The following CRTC3 variants were observed in gnomAD, a reference collection of about 807,000 sequenced individuals.
CRTC3 encodes CREB-regulated transcription coactivator 3.
CRTC3 carries 26 observed loss-of-function variants against 74.5 expected under a neutral mutation model. The ratio of observed to expected loss-of-function variants is 0.35; its 90% CI spans 0.26 to 0.48. The LOEUF (loss-of-function observed/expected upper bound fraction) is 0.48. Among genes scored for constraint, CRTC3 ranks in the 20% least tolerant of loss-of-function variants. The pLI, the probability that CRTC3 is intolerant of heterozygous loss-of-function variation, is 0.99. For missense variants in CRTC3, 760 were observed against 787.3 expected (o/e 0.97, Z 0.41); for synonymous variants, 377 against 325.8 (o/e 1.16, Z -1.69).
chr15:90,534,934 C>T (rs1027498052), intron 1 of CRTC3, among the ~76,000 whole-genome samples: 3 of 151,982 alleles, frequency 2.0e-5, no homozygotes, highest in South Asian at 4.2e-4. Context: ...CCAAGGCAGG[C>T]GGATCACCTA....
chr15:90,620,008 C>T, intron 9 of CRTC3: 1 of 533,316 alleles, frequency 1.9e-6, no homozygotes, highest in Non-Finnish European at 3.3e-6. Context: ...ACAAAACTTA[C>T]ATAAGTATGT....
chr15:90,576,986 C>G (rs147823572), intron 2 of CRTC3, among the ~76,000 whole-genome samples: 1 of 152,024 alleles, frequency 6.6e-6, no homozygotes, highest in South Asian at 2.1e-4. Flanking sequence ...TGTGTCTCCT[C>G]CTTCCCCAGC....
chr15:90,605,569 T>C (rs1269404670), intron 5 of CRTC3, among the ~76,000 whole-genome samples: 2 of 151,380 alleles, frequency 1.3e-5, no homozygotes, highest in African/African-American at 2.4e-5. Flanking sequence ...CCCAGTTGGC[T>C]CTGCATTCGT....
chr15:90,545,645 C>T (rs1159995223), intron 2 of CRTC3, among the ~76,000 whole-genome samples: 15 of 151,968 alleles, frequency 9.9e-5, no homozygotes, highest in East Asian at 7.7e-4. Context: ...GGCACGATCT[C>T]GGCTCACTGC....
intron 1 of CRTC3, among the ~76,000 whole-genome samples, chr15:90,537,523 G>T (rs1211219721): frequency 6.6e-6 from 1 of 152,142 alleles, no homozygotes; most frequent in Non-Finnish European, 1.5e-5. Flanking sequence ...AGTTGGGACT[G>T]CAGGCGCCCA....
At chr15:90,572,275 A>G (rs1258651380) in intron 2 of CRTC3, among the ~76,000 whole-genome samples, 1 of 152,022 alleles carries the variant, frequency 6.6e-6, no homozygotes, top group East Asian at 1.9e-4. Flanking sequence ...TTATGTAGCT[A>G]TCCCATCATT....
intron 9 of CRTC3, among the ~76,000 whole-genome samples, chr15:90,622,420 C>T (rs907404848): frequency 4.3e-4 from 65 of 152,220 alleles, no homozygotes; most frequent in African/African-American, 1.4e-3. Context: ...CCTTCACTCC[C>T]ACCTGATCAC....
intron 2 of CRTC3, among the ~76,000 whole-genome samples, chr15:90,553,981 G>C (rs545587119): frequency 1.1e-4 from 17 of 152,286 alleles, no homozygotes; most frequent in African/African-American, 3.6e-4. Context: ...AGTGTGATGG[G>C]CAAAAGGGTC....
rs1969463393 is a variant in CRTC3 at position 90,641,990 on chromosome 15, G to A, written c.1710G>A (p.Glu570=). The A allele has an allele frequency of 1.2e-6, 2 of 1,613,744 alleles. No homozygotes were observed. The highest frequency in any genetic ancestry group is 8.5e-7 in the Non-Finnish European group (1 of 1,180,006). The change falls in exon 15 of 15, where the codon GAG becomes GAA. Residue 570 remains glutamate, a synonymous_variant. Coordinates refer to ENST00000268184, the MANE Select transcript of CRTC3 (RefSeq NM_022769.5). ...DLNSALAGLP[E]VSLNVDTPFP... Reference sequence around the variant, plus strand: ...ACAGTGCGCTGGCAGGCCTGCCTGAGGTCAGCCTGAACGTGGACACTCCAT... The same window carrying A: ...ACAGTGCGCTGGCAGGCCTGCCTGAAGTCAGCCTGAACGTGGACACTCCAT...
intron 1 of CRTC3, among the ~76,000 whole-genome samples, chr15:90,535,979 T>A (rs1053215734): frequency 2.0e-5 from 3 of 152,246 alleles, no homozygotes; most frequent in African/African-American, 7.2e-5. Context: ...TTAATTTCCC[T>A]CATAAGGATC....
intron 1 of CRTC3, among the ~76,000 whole-genome samples, chr15:90,539,258 T>C (rs2151055668): frequency 6.6e-6 from 1 of 152,338 alleles, no homozygotes; most frequent in South Asian, 2.1e-4. Flanking sequence ...AACCAGTTTA[T>C]TGCTTTTTGA....
chr15:90,603,313 G>T (rs1257412006), intron 4 of CRTC3, among the ~76,000 whole-genome samples: 3 of 149,188 alleles, frequency 2.0e-5, no homozygotes, highest in Non-Finnish European at 4.5e-5. Flanking sequence ...CGTGGTGGCA[G>T]GCGCCTGTAG....
intron 2 of CRTC3, among the ~76,000 whole-genome samples, chr15:90,542,643 T>G (rs1966821982): frequency 6.6e-6 from 1 of 152,208 alleles, no homozygotes; most frequent in East Asian, 1.9e-4. Context: ...CAATCTGATC[T>G]TCAGACTGCA....
At chr15:90,593,489 T>C in intron 2 of CRTC3, 147 bp from the exon 3 acceptor site, 1 of 759,160 alleles carries the variant, frequency 1.3e-6, no homozygotes, top group Admixed American at 2.6e-5. Flanking sequence ...CATATACTAC[T>C]TTATTTACCT....
At chr15:90,626,134 C>G (rs1968827768) in intron 10 of CRTC3, 141 bp downstream of exon 10, 1 of 709,440 alleles carries the variant, frequency 1.4e-6, no homozygotes, top group Non-Finnish European at 2.5e-6. Context: ...ATCTCCTGAC[C>G]CTGCGGACAT....
intron 5 of CRTC3, among the ~76,000 whole-genome samples, chr15:90,605,856 C>T (rs1341658540): frequency 2.0e-5 from 3 of 152,264 alleles, no homozygotes; most frequent in Non-Finnish European, 4.4e-5. Flanking sequence ...ATAATCATCT[C>T]TTGCAACCAA....
rs562465308 is a variant in CRTC3 at position 90,603,288 on chromosome 15, A to G, written c.413+903A>G. On this transcript the variant is annotated intron_variant, in intron 4 of 14. Transcript: ENST00000268184. ...GAAACCCCGTCTCCACTAAAAATAC[A>G]AAAAAGTAGCCGGGCGTGGTGGCAG... Among the ~76,000 whole-genome samples, 13 of 148,632 alleles carry G rather than the reference A, an allele frequency of 8.7e-5. No homozygotes were observed. The East Asian group carries it at 2.7e-3, about 31-fold the overall frequency.
intron 3 of CRTC3, among the ~76,000 whole-genome samples, chr15:90,596,599 A>C (rs979676225): frequency 2.6e-5 from 4 of 152,194 alleles, no homozygotes; most frequent in Non-Finnish European, 4.4e-5. Context: ...ATGCAAAGAA[A>C]GTTCTTTAGC....
chr15:90,615,610 C>T (rs28475325), intron 7 of CRTC3, among the ~76,000 whole-genome samples: 1,950 of 152,334 alleles, frequency 0.013, 49 homozygotes, highest in African/African-American at 0.045. Flanking sequence ...TCAAGGTTGA[C>T]TGCATTCCTT....
Sources: gnomAD v4.1 joint callset for allele counts (sites outside exome capture counted in the v4.1 genomes callset) on GRCh38, gnomAD v4.1.1 for gene constraint, MANE v1.5 for transcripts, NCBI Gene and HGNC (gene_info 2026-07-23, HGNC 2026-07-21) for gene names.